The following IDI2 variants were observed in gnomAD, a reference collection of about 807,000 sequenced individuals.
IDI2 encodes the protein isopentenyl-diphosphate delta isomerase 2.
IDI2 carries 18 observed loss-of-function variants against 14.8 expected under a neutral mutation model. The ratio of observed to expected loss-of-function variants is 1.22; its 90% CI spans 0.84 to 1.80. IDI2 has a LOEUF of 1.80. IDI2 is among the 40% of genes most tolerant of loss of function. The pLI is 0.00. For missense variants in IDI2, 316 were observed against 283.2 expected, an observed-to-expected ratio of 1.12 and a Z score of -0.83; for synonymous variants, 133 against 109.6, an observed-to-expected ratio of 1.21 and a Z score of -1.33.
rs976427759 is a variant in IDI2, at chr10:1,019,015, G to A, written c.*502C>T. On this transcript the variant is annotated 3_prime_UTR_variant, in exon 5 of 5. Transcript: ENST00000277517. ...TTGGCTGAGACCATACGCATCTTCCGTACTGCTTGTATTAGGATGCAAGAT... is the reference window on the plus strand; with the variant it reads ...TTGGCTGAGACCATACGCATCTTCCATACTGCTTGTATTAGGATGCAAGAT... 1 of 155,758 alleles carries A rather than the reference G, an allele frequency of 6.4e-6. No homozygotes were observed. Among genetic ancestry groups the A allele is most frequent in the Admixed American group, 6.2e-5 (1 of 16,008 alleles). 9.6% of individuals were successfully genotyped at this position (155,758 alleles called of 1,614,324 possible). A position where few individuals can be genotyped will look rare whatever the true frequency, so the allele number is the denominator to read the frequency against.
rs760191388 is a variant in IDI2, at chr10:1,022,705, C to T, written c.213G>A (p.Ser71=). Residue 71 remains serine (S), a synonymous_variant, in exon 3 of 5, where the codon TCG becomes TCA. Coordinates refer to ENST00000277517, the MANE Select transcript of IDI2 (RefSeq NM_033261.3). ...TKNRILIQQR[S]DTKVTFPGYF... is the part of the protein sequence containing the mutation. ...CACCAGGAAACGTGACTTTCGTGTCCGACCTCTGCTGTATCAGGATTCGAT... is the reference window on the plus strand; with the variant it reads ...CACCAGGAAACGTGACTTTCGTGTCTGACCTCTGCTGTATCAGGATTCGAT... 9.9e-6 allele frequency: 16 copies of T among 1,613,774 alleles called. No homozygotes were observed. The highest frequency in any genetic ancestry group is 1.3e-5 in the African/African-American group (1 of 74,904).
intron 3 of IDI2, among the ~76,000 whole-genome samples, chr10:1,022,014 CT>C (rs977950944): frequency 6.6e-6 from 1 of 152,246 alleles, no homozygotes; most frequent in African/African-American, 2.4e-5. Context: ...AATCCCAGCA[CT>C]TTGGAAGGCC....
At chr10:1,021,136 G>A (rs1832090795) in intron 3 of IDI2, among the ~76,000 whole-genome samples, 2 of 152,210 alleles carry the variant, frequency 1.3e-5, no homozygotes, top group African/African-American at 4.8e-5. Flanking sequence ...CGCTCCTGCG[G>A]CCCTTCCTGC....
intron 1 of IDI2, among the ~76,000 whole-genome samples, chr10:1,025,031 C>CACACACACACAA (rs1485081011): frequency 2.7e-5 from 4 of 150,486 alleles, no homozygotes; most frequent in African/African-American, 4.9e-5. Flanking sequence ...CACACACACA[C>CACACACACACAA]ACACACACAC....
chr10:1,020,335 C>T (rs759530423), intron 4 of IDI2, among the ~76,000 whole-genome samples: 6 of 151,954 alleles, frequency 3.9e-5, no homozygotes, highest in Non-Finnish European at 8.8e-5. Flanking sequence ...GGATTACAGG[C>T]GTGTGCCACT....
intron 1 of IDI2, among the ~76,000 whole-genome samples, chr10:1,025,010 C>CCACACACACA (rs72086728): frequency 0.09 from 12,979 of 144,632 alleles, 653 homozygotes; most frequent in South Asian, 0.13. Context: ...CCCCGCCCCA[C>CCACACACACA]CACACACACA....
At chr10:1,023,117 G>C (rs1360096683) in intron 2 of IDI2, among the ~76,000 whole-genome samples, 1 of 152,200 alleles carries the variant, frequency 6.6e-6, no homozygotes, top group Non-Finnish European at 1.5e-5. Context: ...TGTGTCCGTG[G>C]AGGTTTGAAG....
Position 1,019,860 on chromosome 10 carries a change from T to G in IDI2, c.367-26A>C. On this transcript the variant is annotated intron_variant, in intron 4 of 4. Coordinates refer to ENST00000277517, the MANE Select transcript of IDI2 (RefSeq NM_033261.3). ...CTATTGACAGAAATTGGTGCAGTGT[T>G]AACAACGCTAATGTAAAACACAGAA... 2.0e-6 allele frequency: 3 copies of G among 1,479,096 alleles called. No individual in the cohort carries two copies. In the South Asian group the frequency reaches 3.4e-5, roughly 17 times the overall value. 91.6% of individuals were successfully genotyped at this position (1,479,096 alleles called of 1,614,324 possible). A position where few individuals can be genotyped will look rare whatever the true frequency, so the allele number is the denominator to read the frequency against.
In IDI2 at chr10:1,019,768, C is replaced by G; in HGVS notation, c.433G>C (p.Gly145Arg). The G allele has an allele frequency of 6.2e-7, 1 of 1,613,950 alleles. No homozygotes were observed. The highest frequency in any genetic ancestry group is 8.5e-7 in the Non-Finnish European group (1 of 1,179,966). Residue 145 changes from glycine (G) to arginine (R), a missense_variant, in exon 5 of 5, where the codon GGA (glycine) becomes CGA (arginine). Physicochemically the swap from Gly to Arg is moderately radical, Grantham distance 125. Coordinates refer to ENST00000277517, the MANE Select transcript of IDI2 (RefSeq NM_033261.3). ...HHKAKSDRIW[G>R]EHEICYLLLV... ...AGAAGGTAACAAATTTCATGCTCTC[C>G]CCAAATTCTGTCTGATTTTGCCTTG...
rs748724745 is a variant in IDI2, at chr10:1,024,637, C to G, written c.87G>C (p.Lys29Asn). The G allele has an allele frequency of 6.2e-7, 1 of 1,614,098 alleles. No homozygotes were observed. The highest frequency in any genetic ancestry group is 8.5e-7 in the Non-Finnish European group (1 of 1,179,996). The change falls in exon 2 of 5, where the codon AAG becomes AAC. Residue 29 changes from lysine (K) to asparagine (N), a missense_variant. Coordinates refer to ENST00000277517, the MANE Select transcript of IDI2 (RefSeq NM_033261.3). ...TCCTCTTGGTGTCGGCACCAATAAC[C>G]TTATCATTCTCATCCACAACAATCA... Reference protein sequence around the residue: ...EMLIVVDENDKVIGADTKRNC... With the variant: ...EMLIVVDENDNVIGADTKRNC...
intron 3 of IDI2, among the ~76,000 whole-genome samples, chr10:1,021,534 A>C (rs1832100488): frequency 6.6e-6 from 1 of 152,180 alleles, no homozygotes; most frequent in African/African-American, 2.4e-5. Flanking sequence ...GTTTGGCTGA[A>C]GTTGAATCCA....
intron 2 of IDI2, among the ~76,000 whole-genome samples, chr10:1,023,880 C>G (rs186269161): frequency 1.3e-5 from 2 of 151,974 alleles, no homozygotes; most frequent in African/African-American, 2.4e-5. Context: ...CCCAAAATGC[C>G]CTATTTGATC....
intron 4 of IDI2, 55 bp downstream of exon 4, chr10:1,020,710 TGC>T: frequency 8.4e-6 from 12 of 1,423,968 alleles, no homozygotes; most frequent in East Asian, 5.1e-5. Context: ...GTTCACCGTC[TGC>T]CCGCTGCCAA....
At chr10:1,020,971 T>C in intron 3 of IDI2, 74 bp from the exon 4 acceptor site, 2 of 1,484,876 alleles carry the variant, frequency 1.3e-6, no homozygotes, top group Admixed American at 1.9e-5. Flanking sequence ...ATGCAGATGC[T>C]TCATGTAAAA....
Position 1,024,660 on chromosome 10 carries a change from T to A in IDI2, c.64A>T (p.Ile22Phe), listed in dbSNP as rs531514088. The change falls in exon 2 of 5, where the codon ATT becomes TTT. Residue 22 changes from isoleucine to phenylalanine, a missense_variant. Coordinates refer to ENST00000277517, the MANE Select transcript of IDI2 (RefSeq NM_033261.3). ...ACCTTATCATTCTCATCCACAACAATCAGCATTTCCTCCAAGCGCTGCAAC... is the reference window on the plus strand; with the variant it reads ...ACCTTATCATTCTCATCCACAACAAACAGCATTTCCTCCAAGCGCTGCAAC... ...RQLQRLEEML[I>F]VVDENDKVIG... 2 of 1,614,060 alleles carry A rather than the reference T, an allele frequency of 1.2e-6. No homozygotes were observed. The highest frequency in any genetic ancestry group is 2.7e-5 in the African/African-American group (2 of 74,998).
intron 1 of IDI2, among the ~76,000 whole-genome samples, chr10:1,025,010 CCACACACACACACACACACACACACA>C (rs72086728): frequency 4.1e-5 from 6 of 145,150 alleles, no homozygotes; most frequent in Admixed American, 1.4e-4. Context: ...CCCCGCCCCA[CCACACACACACACACACACACACACA>C]CACACACACA....
At chr10:1,021,616 A>C (rs1832103055) in intron 3 of IDI2, among the ~76,000 whole-genome samples, 1 of 152,178 alleles carries the variant, frequency 6.6e-6, no homozygotes, top group Admixed American at 6.5e-5. Flanking sequence ...ACATGATAGG[A>C]AATCTTAGCT....
Position 1,024,651 on chromosome 10 carries a change from C to T in IDI2, c.73G>A (p.Asp25Asn), listed in dbSNP as rs772051557. The T allele has an allele frequency of 5.0e-6, 8 of 1,614,204 alleles. No individual in the cohort carries two copies. The highest frequency in any genetic ancestry group is 6.8e-6 in the Non-Finnish European group (8 of 1,180,034). ...QRLEEMLIVV[D>N]ENDKVIGADT... Reference sequence around the variant, plus strand: ...GCACCAATAACCTTATCATTCTCATCCACAACAATCAGCATTTCCTCCAAG... The same window carrying T: ...GCACCAATAACCTTATCATTCTCATTCACAACAATCAGCATTTCCTCCAAG... Residue 25 changes from aspartate (D) to asparagine (N), a missense_variant, in exon 2 of 5, where the codon GAT becomes AAT. Coordinates refer to ENST00000277517, the MANE Select transcript of IDI2 (RefSeq NM_033261.3).
chr10:1,024,553 A>C (rs926729828), intron 2 of IDI2, 29 bp downstream of exon 2: 2 of 1,612,674 alleles, frequency 1.2e-6, no homozygotes, highest in Admixed American at 1.7e-5. Context: ...AACCCTGGGA[A>C]CTGGACAGAG....
Sources: gnomAD v4.1 joint callset for allele counts (sites outside exome capture counted in the v4.1 genomes callset) on GRCh38, gnomAD v4.1.1 for gene constraint, MANE v1.5 for transcripts, NCBI Gene and HGNC (gene_info 2026-07-23, HGNC 2026-07-21) for gene names.